Variants in ITIH2 observed in about 807,000 individuals in gnomAD.
ITIH2 encodes the protein inter-alpha-trypsin inhibitor heavy chain 2, also known as inter-alpha-trypsin inhibitor heavy chain H2.
In ITIH2, 103 loss-of-function variants were observed where a neutral mutation model predicts 104.4. The ratio of observed to expected loss-of-function variants is 0.99; its 90% CI spans 0.84 to 1.16. The LOEUF is 1.16. Among genes scored for constraint, ITIH2 ranks in the 50% most tolerant of loss-of-function variants. The pLI is 0.00. For missense variants in ITIH2, 1,108 were observed against 1,162.4 expected (o/e 0.95, Z 0.68); for synonymous variants, 436 against 435.4 (o/e 1.00, Z -0.02).
chr10:7,728,771 C>T (rs1324086366), intron 11 of ITIH2, among the ~76,000 whole-genome samples: 1 of 152,028 alleles, frequency 6.6e-6, no homozygotes, highest in East Asian at 1.9e-4. Flanking sequence ...CCTGAGTGTG[C>T]TGTCGTACAG....
At position 7,743,138 on chromosome 10, in the gene ITIH2, T is replaced by A. The variant is rs376938640; in HGVS notation, c.2096-8T>A. The A allele has an allele frequency of 1.2e-5, 16 of 1,306,642 alleles. No homozygotes were observed. In the African/African-American group the frequency reaches 1.8e-4, roughly 15 times the overall value. 80.9% of individuals were successfully genotyped at this position (1,306,642 alleles called of 1,614,324 possible). A position where few individuals can be genotyped will look rare whatever the true frequency, so the allele number is the denominator to read the frequency against. On this transcript the variant is annotated splice_region_variant and splice_polypyrimidine_tract_variant and intron_variant, in intron 16 of 20. Coordinates refer to ENST00000358415, the MANE Select transcript of ITIH2 (RefSeq NM_002216.3). The stretch of plus-strand genomic sequence containing the variant: ...ATTTTGTTTACGTTTTCTTTGTATA[T>A]TTTCCAGTTGAAAATGACCCACATT...
At chr10:7,738,507 G>C (rs931543415) in intron 15 of ITIH2, 114 bp from the exon 16 acceptor site, 2 of 1,233,878 alleles carry the variant, frequency 1.6e-6, no homozygotes, top group African/African-American at 3.0e-5. Flanking sequence ...AAACAGAGGA[G>C]AAAAACCTAA....
At chr10:7,705,761 G>A (rs1045125486) in intron 2 of ITIH2, among the ~76,000 whole-genome samples, 1 of 149,744 alleles carries the variant, frequency 6.7e-6, no homozygotes, top group East Asian at 2.0e-4. Context: ...TTAAGATTCC[G>A]AAATTATTTC....
At position 7,721,708 on chromosome 10, in the gene ITIH2, G is replaced by T. The variant is rs1834905149; in HGVS notation, c.798G>T (p.Glu266Asp). The change falls in exon 8 of 21, where the codon GAG becomes GAT. Residue 266 changes from glutamate to aspartate, a missense_variant. Coordinates refer to ENST00000358415, the MANE Select transcript of ITIH2 (RefSeq NM_002216.3). ...AGAGAATATGCCCTAACTGCCGGGA[G>T]ACTGCGGTAGATGGGGAACTGGTGG... Reference protein sequence around the residue: ...AQQRICPNCRETAVDGELVVL... With the variant: ...AQQRICPNCRDTAVDGELVVL... 3 of 1,613,852 alleles carry T rather than the reference G, an allele frequency of 1.9e-6. No individual in the cohort carries two copies. Among genetic ancestry groups the T allele is most frequent in the African/African-American group, 2.7e-5 (2 of 74,914 alleles).
chr10:7,709,564 A>G (rs1834777250), intron 4 of ITIH2, among the ~76,000 whole-genome samples: 7 of 147,406 alleles, frequency 4.7e-5, no homozygotes, highest in Middle Eastern at 3.4e-3. Flanking sequence ...TCTCTATGGG[A>G]AAAAAAAAAC....
At chr10:7,747,928 A>G (rs2130969730) in intron 20 of ITIH2, among the ~76,000 whole-genome samples, 1 of 151,860 alleles carries the variant, frequency 6.6e-6, no homozygotes, top group East Asian at 1.9e-4. Flanking sequence ...TAAATAGGCC[A>G]GGCGCAGTGG....
intron 8 of ITIH2, among the ~76,000 whole-genome samples, chr10:7,723,071 A>AGCGTG (rs1564301672): frequency 1.6e-5 from 2 of 126,000 alleles, no homozygotes; most frequent in African/African-American, 6.2e-5. Flanking sequence ...GGAGTGGAGC[A>AGCGTG]GCGTGGCGTG....
intron 19 of ITIH2, 152 bp from the exon 20 acceptor site, chr10:7,746,441 C>A: frequency 1.7e-6 from 1 of 599,370 alleles, no homozygotes; most frequent in South Asian, 2.1e-5. Flanking sequence ...GAAGGACCCT[C>A]CCTCCCATCA....
Position 7,705,200 on chromosome 10 carries a change from C to A in ITIH2, c.159+18C>A. 2.6e-6 allele frequency: 4 copies of A among 1,545,134 alleles called. No homozygotes were observed. Among genetic ancestry groups the A allele is most frequent in the African/African-American group, 2.7e-5 (2 of 72,888 alleles). On this transcript the variant is annotated intron_variant, in intron 2 of 20. Coordinates refer to ENST00000358415, the MANE Select transcript of ITIH2 (RefSeq NM_002216.3). The stretch of plus-strand genomic sequence containing the variant: ...GATATCAGGTATAGTAAGGTTTACT[C>A]CCAAAAGGGGGAAAAAAAGTGAAAG...
At chr10:7,714,715 G>C (rs1398492919) in intron 5 of ITIH2, among the ~76,000 whole-genome samples, 1 of 152,128 alleles carries the variant, frequency 6.6e-6, no homozygotes, top group African/African-American at 2.4e-5. Flanking sequence ...ATCTGCAGTG[G>C]GCAAGGGCTA....
chr10:7,738,208 ATAT>A (rs1344985002), intron 15 of ITIH2, among the ~76,000 whole-genome samples: 2 of 97,892 alleles, frequency 2.0e-5, no homozygotes, highest in Admixed American at 3.2e-4. Context: ...AAAATATTAT[ATAT>A]TATATTCTAT....
At chr10:7,719,777 A>AG (rs36126164) in intron 6 of ITIH2, among the ~76,000 whole-genome samples, 2 of 148,306 alleles carry the variant, frequency 1.3e-5, no homozygotes, top group East Asian at 2.0e-4. Flanking sequence ...AAAAAAAAAA[A>AG]AAAAAAGAAA....
In ITIH2 at chr10:7,747,990, G is replaced by A. The variant is rs564953994; in HGVS notation, c.2694-1197G>A. Among the ~76,000 whole-genome samples the A allele has an allele frequency of 2.0e-5, 3 of 151,836 alleles. No individual in the cohort carries two copies. In the South Asian group the frequency reaches 6.2e-4, roughly 32 times the overall value. The stretch of plus-strand genomic sequence containing the variant: ...CAAGGCCTGGGTGGGTGGATAACCT[G>A]AGGTCAGGAGTTCAAGACCAACTTG... On this transcript the variant is annotated intron_variant, in intron 20 of 20. Coordinates refer to ENST00000358415, the MANE Select transcript of ITIH2 (RefSeq NM_002216.3).
intron 17 of ITIH2, 143 bp from the exon 18 acceptor site, chr10:7,743,939 G>C: frequency 2.1e-6 from 1 of 467,568 alleles, no homozygotes; most frequent in Non-Finnish European, 3.7e-6. Context: ...GAATCACAAA[G>C]AAGAAAATGT....
At chr10:7,737,698 T>TTCTATAG (rs1835076171) in intron 15 of ITIH2, among the ~76,000 whole-genome samples, 2 of 37,444 alleles carry the variant, frequency 5.3e-5, no homozygotes, top group Admixed American at 8.8e-4. Context: ...ATATTCTATA[T>TTCTATAG]AATATTCTAT....
Position 7,716,605 on chromosome 10 carries a change from G to A in ITIH2, c.468-1021G>A, listed in dbSNP as rs534557789. On this transcript the variant is annotated intron_variant, in intron 5 of 20. Coordinates refer to ENST00000358415, the MANE Select transcript of ITIH2 (RefSeq NM_002216.3). ...ACAAAAATTAGCTGGGCATGGTGGC[G>A]CATGCCTGTAGTCCCAGCTACTCGG... Among the ~76,000 whole-genome samples, 578 of 151,812 alleles carry A rather than the reference G, an allele frequency of 3.8e-3. 4 individuals carry two copies. The highest frequency in any genetic ancestry group is 0.027 in the Middle Eastern group (8 of 292).
intron 6 of ITIH2, among the ~76,000 whole-genome samples, chr10:7,720,376 G>C (rs1834890139): frequency 6.6e-6 from 1 of 152,160 alleles, no homozygotes; most frequent in African/African-American, 2.4e-5. Flanking sequence ...CTATGACTGT[G>C]GTTTGGTCAA....
chr10:7,746,341 C>T (rs941699605), intron 19 of ITIH2, among the ~76,000 whole-genome samples: 2 of 151,824 alleles, frequency 1.3e-5, no homozygotes, highest in Non-Finnish European at 2.9e-5. Context: ...CACCACTGCA[C>T]TCCAGCCTGG....
chr10:7,729,814 A>G (rs2130954112), intron 11 of ITIH2, 138 bp from the exon 12 acceptor site: 1 of 538,746 alleles, frequency 1.9e-6, no homozygotes, highest in East Asian at 3.0e-5. Flanking sequence ...AAGAAAAACT[A>G]GAAATTGAGT....
Sources: gnomAD v4.1 joint callset for allele counts (sites outside exome capture counted in the v4.1 genomes callset) on GRCh38, gnomAD v4.1.1 for gene constraint, MANE v1.5 for transcripts, NCBI Gene and HGNC (gene_info 2026-07-23, HGNC 2026-07-21) for gene names.